The following APP variants were observed in gnomAD, a reference collection of about 807,000 sequenced individuals.
APP encodes amyloid-beta precursor protein.
In APP, 31 loss-of-function variants were observed where a neutral mutation model predicts 101.4. The ratio of observed to expected loss-of-function variants is 0.31; its 90% CI spans 0.23 to 0.41. The LOEUF (loss-of-function observed/expected upper bound fraction) is 0.41. Ranked by LOEUF, APP falls within the 10% of genes least tolerant of loss-of-function variation. The pLI is 1.00. For synonymous variants in APP, 366 were observed against 364.4 expected, an observed-to-expected ratio of 1.00 and a Z score of -0.05; for missense variants, 839 against 1,003.7, an observed-to-expected ratio of 0.84 and a Z score of 2.22.
intron 5 of APP, among the ~76,000 whole-genome samples, chr21:26,047,963 ATGT>A (rs2045678846): frequency 6.6e-6 from 1 of 152,232 alleles, no homozygotes; most frequent in Admixed American, 6.5e-5. Context: ...ATTAAATAAA[ATGT>A]TGTTAAAATT....
chr21:26,143,639 A>G (rs2063096014), intron 1 of APP, among the ~76,000 whole-genome samples: 1 of 152,186 alleles, frequency 6.6e-6, no homozygotes, highest in Non-Finnish European at 1.5e-5. Context: ...ACTAGTCACT[A>G]GGCTGTACAT....
At chr21:26,054,629 T>G (rs1316933194) in intron 3 of APP, among the ~76,000 whole-genome samples, 1 of 142,588 alleles carries the variant, frequency 7.0e-6, no homozygotes, top group Non-Finnish European at 1.6e-5. Flanking sequence ...AGTTTTTTTT[T>G]TTTTTTTTTT....
intron 15 of APP, among the ~76,000 whole-genome samples, chr21:25,903,623 G>A (rs2038631105): frequency 6.6e-6 from 1 of 152,124 alleles, no homozygotes; most frequent in East Asian, 1.9e-4. Flanking sequence ...TGAGCTGGCT[G>A]TGGTTGCAAT....
At chr21:26,080,905 T>C (rs1213111462) in intron 3 of APP, among the ~76,000 whole-genome samples, 1 of 152,192 alleles carries the variant, frequency 6.6e-6, no homozygotes, top group Non-Finnish European at 1.5e-5. Context: ...TTTAGGCCTT[T>C]TCATTATTTT....
At chr21:26,124,689 G>T (rs2062645010) in intron 1 of APP, among the ~76,000 whole-genome samples, 2 of 152,184 alleles carry the variant, frequency 1.3e-5, no homozygotes, top group South Asian at 4.1e-4. Flanking sequence ...AATACTATGA[G>T]GAAGAGATAG....
At chr21:26,059,632 T>G (rs192592922) in intron 3 of APP, among the ~76,000 whole-genome samples, 1 of 152,254 alleles carries the variant, frequency 6.6e-6, no homozygotes, top group East Asian at 1.9e-4. Flanking sequence ...GGCTCAAGTC[T>G]GTAATCCCAG....
chr21:25,944,103 G>A (rs1600979736), intron 13 of APP, among the ~76,000 whole-genome samples: 1 of 152,032 alleles, frequency 6.6e-6, no homozygotes, highest in African/African-American at 2.4e-5. Context: ...GCCAAGCACT[G>A]TTTCAAAGAA....
At chr21:25,900,656 T>A (rs1349624495) in intron 15 of APP, among the ~76,000 whole-genome samples, 3 of 151,968 alleles carry the variant, frequency 2.0e-5, no homozygotes, top group African/African-American at 7.2e-5. Flanking sequence ...GTTTGAAGAG[T>A]CTTCCCTTTT....
chr21:26,071,580 G>A (rs1276804361), intron 3 of APP, among the ~76,000 whole-genome samples: 1 of 152,192 alleles, frequency 6.6e-6, no homozygotes, highest in South Asian at 2.1e-4. Context: ...TTCAAATAAT[G>A]TAGTTCCTGT....
At chr21:26,164,787 C>T (rs1244392410) in intron 1 of APP, among the ~76,000 whole-genome samples, 6 of 145,014 alleles carry the variant, frequency 4.1e-5, no homozygotes, top group African/African-American at 1.0e-4. Context: ...ACCCAGGAGG[C>T]GGAGGTTGCA....
chr21:25,945,203 G>C (rs146920638), intron 13 of APP, among the ~76,000 whole-genome samples: 71 of 152,240 alleles, frequency 4.7e-4, no homozygotes, highest in South Asian at 1.0e-3. Context: ...AAAGATGATA[G>C]CATGCTAAAT....
intron 5 of APP, among the ~76,000 whole-genome samples, chr21:26,050,189 T>C (rs983169908): frequency 3.3e-5 from 5 of 152,156 alleles, no homozygotes; most frequent in Non-Finnish European, 7.3e-5. Context: ...ATTATAAACT[T>C]ACAACTCCTA....
At chr21:25,988,058 G>GT (rs2042704720) in intron 8 of APP, among the ~76,000 whole-genome samples, 2 of 152,292 alleles carry the variant, frequency 1.3e-5, no homozygotes, top group East Asian at 3.9e-4. Flanking sequence ...GTAGACCGCA[G>GT]TAAGTGAGCG....
intron 8 of APP, among the ~76,000 whole-genome samples, chr21:25,994,517 T>A (rs1182816464): frequency 1.3e-5 from 2 of 152,220 alleles, no homozygotes; most frequent in Admixed American, 6.5e-5. Context: ...GGCAAATTAT[T>A]GTTTTTATAA....
chr21:26,032,805 A>AAATATAT (rs1491556765), intron 5 of APP, among the ~76,000 whole-genome samples: 32 of 124,472 alleles, frequency 2.6e-4, no homozygotes, highest in East Asian at 8.8e-4. Context: ...AAAAAAAAAA[A>AAATATAT]ATATATATAT....
intron 2 of APP, among the ~76,000 whole-genome samples, chr21:26,098,081 GAAAAAAAAAA>G (rs757879199): frequency 1.8e-4 from 10 of 54,382 alleles, no homozygotes; most frequent in Admixed American, 7.2e-4. Context: ...CTCTGTCTCA[GAAAAAAAAAA>G]AAAAAAAAAA....
At chr21:25,982,505 A>AG (rs1484837660) in intron 8 of APP, 28 bp from the exon 9 acceptor site, 3 of 1,611,454 alleles carry the variant, frequency 1.9e-6, no homozygotes, top group Non-Finnish European at 2.5e-6. Context: ...AGGAGGTTTG[A>AG]GAAAAAAAAG....
At chr21:25,928,471 T>C (rs572498390) in intron 13 of APP, among the ~76,000 whole-genome samples, 1 of 152,318 alleles carries the variant, frequency 6.6e-6, no homozygotes, top group Non-Finnish European at 1.5e-5. Context: ...TCTTCTTGTT[T>C]TGAGGAAACG....
At chr21:25,986,632 G>C (rs548891426) in intron 8 of APP, among the ~76,000 whole-genome samples, 1 of 152,112 alleles carries the variant, frequency 6.6e-6, no homozygotes, top group South Asian at 2.1e-4. Context: ...CCTGGGAGGC[G>C]GAGGTTGCGG....
Sources: gnomAD v4.1 joint callset for allele counts (sites outside exome capture counted in the v4.1 genomes callset) on GRCh38, gnomAD v4.1.1 for gene constraint, MANE v1.5 for transcripts, NCBI Gene and HGNC (gene_info 2026-07-23, HGNC 2026-07-21) for gene names.